The following DNAH3 variants were observed in gnomAD, a reference collection of about 807,000 sequenced individuals.
DNAH3 encodes the protein axonemal beta dynein heavy chain 3.
DNAH3 carries 332 observed loss-of-function variants against 432.5 expected under a neutral mutation model. The ratio of observed to expected loss-of-function variants is 0.77; its 90% CI spans 0.70 to 0.84. The LOEUF is 0.84. Among genes scored for constraint, DNAH3 ranks in the 40% least tolerant of loss-of-function variants. The pLI, the probability that DNAH3 is intolerant of heterozygous loss-of-function variation, is 0.00. For missense variants in DNAH3, 4,861 were observed against 5,114.0 expected, an observed-to-expected ratio of 0.95 and a Z score of 1.51; for synonymous variants, 1,956 against 1,900.2, an observed-to-expected ratio of 1.03 and a Z score of -0.76.
chr16:20,942,214 G>C (rs1028478664), intron 58 of DNAH3, among the ~76,000 whole-genome samples: 3 of 152,238 alleles, frequency 2.0e-5, no homozygotes, highest in Non-Finnish European at 2.9e-5. Flanking sequence ...ATCTCCCACA[G>C]CCTCTGACCC....
chr16:21,146,211 A>T, intron 1 of DNAH3, 123 bp from the exon 3 acceptor site: 1 of 627,128 alleles, frequency 1.6e-6, no homozygotes, highest in Non-Finnish European at 2.9e-6. Flanking sequence ...GACCTAAAAC[A>T]AAACACTCCT....
At chr16:21,004,530 G>A (rs1171910746) in intron 41 of DNAH3, among the ~76,000 whole-genome samples, 1 of 151,982 alleles carries the variant, frequency 6.6e-6, no homozygotes, top group Non-Finnish European at 1.5e-5. Context: ...ACCACGCCCT[G>A]CTAATTTTTG....
At chr16:21,142,261 G>A (rs1409473309) in intron 3 of DNAH3, among the ~76,000 whole-genome samples, 1 of 152,062 alleles carries the variant, frequency 6.6e-6, no homozygotes, top group Non-Finnish European at 1.5e-5. Flanking sequence ...CAGCTACTCA[G>A]GAGGCTGAGG....
exon 53 of DNAH3, chr16:20,965,272 G>A: frequency 6.2e-7 from 1 of 1,613,600 alleles, no homozygotes. Context: ...AATGACAGCT[G>A]GCTGGAATTC....
intron 44 of DNAH3, among the ~76,000 whole-genome samples, chr16:20,988,403 A>G (rs1267322146): frequency 6.6e-6 from 1 of 152,122 alleles, no homozygotes; most frequent in Admixed American, 6.6e-5. Context: ...ATTATATCAT[A>G]TCATGTTGTA....
At chr16:21,050,917 A>G (rs768352893) in intron 29 of DNAH3, among the ~76,000 whole-genome samples, 6 of 152,220 alleles carry the variant, frequency 3.9e-5, no homozygotes, top group Non-Finnish European at 7.3e-5. Context: ...TTAGCACTCT[A>G]TCTTGTAATC....
At chr16:21,077,386 C>A (rs185138372) in intron 20 of DNAH3, among the ~76,000 whole-genome samples, 2,089 of 152,266 alleles carry the variant, frequency 0.014, 16 homozygotes, top group Non-Finnish European at 0.021. Context: ...TGGTCTTGAA[C>A]TCCTGACCAC....
intron 18 of DNAH3, among the ~76,000 whole-genome samples, chr16:21,096,992 T>C (rs2091701801): frequency 6.6e-6 from 1 of 152,184 alleles, no homozygotes; most frequent in Admixed American, 6.5e-5. Flanking sequence ...AATACCTTTC[T>C]GGACCCCAGA....
exon 44 of DNAH3, chr16:20,997,355 T>A (rs1259608475): frequency 1.9e-6 from 3 of 1,614,210 alleles, no homozygotes; most frequent in Non-Finnish European, 2.5e-6. Context: ...ATGTCCAGCC[T>A]GGTTGTGTCT....
At chr16:20,934,136 G>A (rs1366689616) in intron 61 of DNAH3, among the ~76,000 whole-genome samples, 1 of 152,080 alleles carries the variant, frequency 6.6e-6, no homozygotes, top group African/African-American at 2.4e-5. Context: ...TGGGGATTAT[G>A]GTGAACCAGA....
chr16:20,981,420 T>C (rs575850031), intron 49 of DNAH3, among the ~76,000 whole-genome samples: 2 of 152,296 alleles, frequency 1.3e-5, no homozygotes, highest in South Asian at 4.1e-4. Flanking sequence ...CTTCCTCATT[T>C]TTCATCCATT....
At chr16:21,019,530 T>G in intron 41 of DNAH3, 94 bp downstream of exon 41, 1 of 1,455,852 alleles carries the variant, frequency 6.9e-7, no homozygotes, top group Non-Finnish European at 9.3e-7. Context: ...CTGTGGCTTT[T>G]GTAAAGGGCT....
At chr16:21,009,685 G>T (rs2087484698) in intron 41 of DNAH3, among the ~76,000 whole-genome samples, 1 of 152,050 alleles carries the variant, frequency 6.6e-6, no homozygotes, top group Admixed American at 6.6e-5. Context: ...TGGAGAACAG[G>T]CTGAGTAAAT....
In DNAH3 at chr16:20,965,075, G is replaced by A. The variant is rs1265933376; in HGVS notation, c.8809C>T (p.Gln2937Ter). ...TCTTCAAAGTCGTCATTCAGGGCCT[G>A]GAGCCGATCTACCACCAGCTTCAGC... Residue 2937 changes from glutamine (Q) to a stop codon, truncating the protein, a stop_gained, in exon 53 of 62, where the codon CAG (glutamine) becomes TAG (stop). Coordinates refer to ENST00000261383, the Ensembl canonical transcript of DNAH3. LOFTEE classifies it high-confidence loss of function. The A allele has an allele frequency of 1.2e-6, 2 of 1,614,038 alleles. No individual in the cohort carries two copies. The highest frequency in any genetic ancestry group is 1.6e-4 in the Middle Eastern group (1 of 6,062).
chr16:21,057,858 G>A (rs370053886), intron 27 of DNAH3, among the ~76,000 whole-genome samples: 7 of 152,312 alleles, frequency 4.6e-5, no homozygotes, highest in African/African-American at 1.7e-4. Flanking sequence ...CTGCAGTCCA[G>A]AATTTCTGTC....
intron 41 of DNAH3, chr16:21,019,374 G>A (rs144096284): frequency 1.7e-4 from 82 of 490,018 alleles, no homozygotes; most frequent in Non-Finnish European, 2.4e-4. Flanking sequence ...TGGCCAGGCC[G>A]GTCTTGAACT....
chr16:21,156,996 A>AACACACACACACACACACACACACAC (rs34199213), intron 1 of DNAH3, among the ~76,000 whole-genome samples: 53 of 147,534 alleles, frequency 3.6e-4, no homozygotes, highest in African/African-American at 1.1e-3. Flanking sequence ...AATCTAAGGA[A>AACACACACACACACACACACACACAC]ACACACACAC....
At chr16:21,149,852 G>A (rs2092830845) in intron 1 of DNAH3, among the ~76,000 whole-genome samples, 1 of 152,174 alleles carries the variant, frequency 6.6e-6, no homozygotes. Flanking sequence ...ACAAAAAAAT[G>A]TGATGAATAC....
At chr16:21,088,531 TACA>T (rs2091446570) in intron 18 of DNAH3, among the ~76,000 whole-genome samples, 4 of 152,164 alleles carry the variant, frequency 2.6e-5, no homozygotes, top group African/African-American at 4.8e-5. Context: ...AATTTATATC[TACA>T]ACAAGAGAGA....
Sources: allele counts gnomAD v4.1 joint callset (sites outside exome capture counted in the v4.1 genomes callset), GRCh38; gene constraint gnomAD v4.1.1; transcripts MANE v1.5; gene names NCBI Gene and HGNC (gene_info 2026-07-23, HGNC 2026-07-21).